ERC2: variants seen among roughly 807,000 people sequenced by gnomAD.
ERC2 encodes the protein ELKS/RAB6-interacting/CAST family member 2, also known as ERC protein 2.
Under a neutral mutation model 114.8 loss-of-function variants are expected in ERC2, and 42 were observed. The observed-to-expected ratio is 0.37, with a 90% CI of 0.29 to 0.47. ERC2 has a LOEUF of 0.47. ERC2 is among the 20% of genes least tolerant of loss of function. The probability of loss-of-function intolerance (pLI) is 0.99; values close to 1 mark genes in which losing one functional copy is unlikely to be tolerated. For synonymous variants in ERC2, 454 were observed against 425.5 expected (o/e 1.07, Z -0.82); for missense variants, 939 against 1,150.7 (o/e 0.82, Z 2.66).
chr3:56,417,340 A>G (rs772881675), intron 2 of ERC2, among the ~76,000 whole-genome samples: 9 of 152,164 alleles, frequency 5.9e-5, no homozygotes, highest in Middle Eastern at 3.2e-3. Context: ...ACATATTTCA[A>G]TGTAGCATAC....
chr3:56,283,233 G>T (rs1205509230), intron 3 of ERC2, among the ~76,000 whole-genome samples: 1 of 152,200 alleles, frequency 6.6e-6, no homozygotes, highest in Non-Finnish European at 1.5e-5. Flanking sequence ...TTGAATCTTT[G>T]AAATCATCTA....
intron 17 of ERC2, among the ~76,000 whole-genome samples, chr3:55,553,353 T>C (rs553408663): frequency 1.3e-5 from 2 of 152,062 alleles, no homozygotes; most frequent in South Asian, 2.1e-4. Flanking sequence ...ATGATAACAA[T>C]AGCAAGTTAT....
At chr3:56,019,362 G>A (rs1369619111) in intron 7 of ERC2, among the ~76,000 whole-genome samples, 1 of 152,022 alleles carries the variant, frequency 6.6e-6, no homozygotes, top group African/African-American at 2.4e-5. Context: ...CTTGAACTTG[G>A]TACACTGAAC....
chr3:55,790,314 T>C (rs953194011), intron 14 of ERC2, among the ~76,000 whole-genome samples: 6 of 152,240 alleles, frequency 3.9e-5, no homozygotes, highest in Admixed American at 2.6e-4. Context: ...GAGCTGCCAG[T>C]TTCTCTGGAA....
chr3:56,292,240 C>A (rs1404955166), intron 3 of ERC2, among the ~76,000 whole-genome samples: 1 of 151,960 alleles, frequency 6.6e-6, no homozygotes, highest in East Asian at 1.9e-4. Context: ...TATCAACAGC[C>A]CACAAAATGG....
chr3:55,866,397 A>G (rs1008977513), intron 14 of ERC2, among the ~76,000 whole-genome samples: 1 of 152,174 alleles, frequency 6.6e-6, no homozygotes, highest in African/African-American at 2.4e-5. Context: ...TGACTTGCAA[A>G]TATTTTCTCC....
intron 14 of ERC2, among the ~76,000 whole-genome samples, chr3:55,777,076 T>A (rs904421945): frequency 4.7e-5 from 7 of 149,534 alleles, no homozygotes; most frequent in South Asian, 2.1e-4. Flanking sequence ...TAAAAATACA[T>A]AAAAAAAAAA....
intron 17 of ERC2, among the ~76,000 whole-genome samples, chr3:55,556,485 A>G (rs1187250662): frequency 6.6e-6 from 1 of 152,208 alleles, no homozygotes; most frequent in Non-Finnish European, 1.5e-5. Flanking sequence ...CTCCAGACAT[A>G]GAGCATATGA....
rs151025224 is a variant in ERC2 at position 56,334,694 on chromosome 3, G to A, written c.658-38259C>T. ...CAGAAGAGCAGAAAACATTTAAAACGTTGCCAAGGTGATTGATACTGATGG... is the reference window on the plus strand; with the variant it reads ...CAGAAGAGCAGAAAACATTTAAAACATTGCCAAGGTGATTGATACTGATGG... On this transcript the variant is annotated intron_variant, in intron 2 of 17. Coordinates refer to ENST00000288221, the MANE Select transcript of ERC2 (RefSeq NM_015576.3). Among the ~76,000 whole-genome samples the A allele has an allele frequency of 2.1e-3, 314 of 152,214 alleles. 1 individual carries two copies. Among genetic ancestry groups the A allele is most frequent in the Middle Eastern group, 0.01 (3 of 294 alleles).
intron 6 of ERC2, among the ~76,000 whole-genome samples, chr3:56,136,919 C>G (rs780528458): frequency 3.3e-5 from 5 of 152,238 alleles, no homozygotes; most frequent in Non-Finnish European, 5.9e-5. Flanking sequence ...CTCACTTTCT[C>G]TGCACACGGA....
chr3:56,257,105 G>A (rs6790475), intron 3 of ERC2, among the ~76,000 whole-genome samples: 106,329 of 151,912 alleles, frequency 0.7, 38,064 homozygotes, highest in Non-Finnish European at 0.76. Flanking sequence ...ATGAGATAAT[G>A]TATGTAAAAC....
At position 55,815,329 on chromosome 3, in the gene ERC2, T is replaced by C. The variant is rs114747639; in HGVS notation, c.2564+73060A>G. Among the ~76,000 whole-genome samples, 547 of 152,304 alleles carry C rather than the reference T, an allele frequency of 3.6e-3. 4 individuals carry two copies. Among genetic ancestry groups the C allele is most frequent in the Middle Eastern group, 0.014 (4 of 294 alleles). ...GGCAAAAGGGACTTTGCAAACATAATTAAGGTCACTGACGAGCTTTGCCTT... is the reference window on the plus strand; with the variant it reads ...GGCAAAAGGGACTTTGCAAACATAACTAAGGTCACTGACGAGCTTTGCCTT... On this transcript the variant is annotated intron_variant, in intron 14 of 17. Coordinates refer to ENST00000288221, the MANE Select transcript of ERC2 (RefSeq NM_015576.3).
intron 2 of ERC2, among the ~76,000 whole-genome samples, chr3:56,320,267 G>A (rs541537187): frequency 3.6e-4 from 55 of 152,238 alleles, no homozygotes; most frequent in African/African-American, 1.2e-3. Context: ...GATGACAGCC[G>A]ACTTTTCAAG....
chr3:56,453,803 A>G (rs1389965274), intron 1 of ERC2, among the ~76,000 whole-genome samples: 1 of 152,200 alleles, frequency 6.6e-6, no homozygotes, highest in Admixed American at 6.5e-5. Flanking sequence ...TCACTGGAAA[A>G]GCCGAAAGGA....
At chr3:55,861,358 A>G (rs765959549) in intron 14 of ERC2, among the ~76,000 whole-genome samples, 2 of 151,894 alleles carry the variant, frequency 1.3e-5, no homozygotes, top group African/African-American at 2.4e-5. Flanking sequence ...GCTCATTGTC[A>G]CTCCTCCTGA....
At chr3:56,151,639 A>C (rs915705162) in intron 4 of ERC2, among the ~76,000 whole-genome samples, 3 of 152,210 alleles carry the variant, frequency 2.0e-5, no homozygotes, top group African/African-American at 7.2e-5. Context: ...ATCAGTCCAA[A>C]GAATTTAGAG....
At chr3:56,373,417 A>G (rs1001045929) in intron 2 of ERC2, among the ~76,000 whole-genome samples, 3 of 152,218 alleles carry the variant, frequency 2.0e-5, no homozygotes, top group Non-Finnish European at 4.4e-5. Context: ...TGTCTATTCA[A>G]TCTTAGGATG....
intron 16 of ERC2, among the ~76,000 whole-genome samples, chr3:55,691,573 A>ATATATATAT (rs1361667113): frequency 2.5e-5 from 1 of 39,746 alleles, no homozygotes; most frequent in African/African-American, 9.3e-5. Context: ...AAAAAAAAAA[A>ATATATATAT]ATATATATAT....
intron 2 of ERC2, among the ~76,000 whole-genome samples, chr3:56,404,750 A>C (rs553174636): frequency 6.6e-6 from 1 of 152,266 alleles, no homozygotes; most frequent in African/African-American, 2.4e-5. Flanking sequence ...ATGCAAGACA[A>C]GATCTCCTTT....
Sources: allele counts gnomAD v4.1 joint callset (sites outside exome capture counted in the v4.1 genomes callset), GRCh38; gene constraint gnomAD v4.1.1; transcripts MANE v1.5; gene names NCBI Gene and HGNC (gene_info 2026-07-23, HGNC 2026-07-21).